Variants in ZNF280D observed in about 807,000 individuals in gnomAD.
ZNF280D encodes the protein suppressor of hairy wing homolog 4.
In ZNF280D, 39 loss-of-function variants were observed where a neutral mutation model predicts 94.7. The ratio of observed to expected loss-of-function variants is 0.41; its 90% CI spans 0.32 to 0.54. The LOEUF is 0.54. ZNF280D is among the 20% of genes least tolerant of loss of function. ZNF280D has a pLI of 0.22. For missense variants in ZNF280D, 1,090 were observed against 1,149.3 expected (o/e 0.95, Z 0.75); for synonymous variants, 398 against 377.6 (o/e 1.05, Z -0.63).
At chr15:56,721,003 A>G (rs1437469359) in intron 1 of ZNF280D, among the ~76,000 whole-genome samples, 1 of 144,216 alleles carries the variant, frequency 6.9e-6, no homozygotes, top group African/African-American at 2.6e-5. Flanking sequence ...CGCTCCATTG[A>G]CCAGCCTTGA....
chr15:56,725,140 G>A lies in ZNF280D; in HGVS notation c.-86+8318C>T. 6 of 250,264 alleles carry A rather than the reference G, an allele frequency of 2.4e-5. No homozygotes were observed. In the South Asian group the frequency reaches 2.9e-4, roughly 12 times the overall value. 15.5% of individuals were successfully genotyped at this position (250,264 alleles called of 1,614,324 possible). A position where few individuals can be genotyped will look rare whatever the true frequency, so the allele number is the denominator to read the frequency against. ...AACCCACAAAATAAGGAACGCACAGGAGTGAAGCCTAGAAGCAAAGGGCAA... is the reference window on the plus strand; with the variant it reads ...AACCCACAAAATAAGGAACGCACAGAAGTGAAGCCTAGAAGCAAAGGGCAA... On this transcript the variant is annotated intron_variant, in intron 1 of 21. Coordinates refer to ENST00000267807, the MANE Select transcript of ZNF280D (RefSeq NM_017661.4).
chr15:56,655,590 T>C (rs368971204), intron 17 of ZNF280D, among the ~76,000 whole-genome samples: 1 of 152,362 alleles, frequency 6.6e-6, no homozygotes, highest in African/African-American at 2.4e-5. Context: ...ATCAATACTT[T>C]ATTTTTGAGT....
chr15:56,724,801 C>A, intron 1 of ZNF280D: 1 of 403,752 alleles, frequency 2.5e-6, no homozygotes, highest in East Asian at 7.3e-5. Context: ...AATGAACAGA[C>A]ACTACAATGT....
intron 15 of ZNF280D, 59 bp from the exon 16 acceptor site, chr15:56,666,594 G>A: frequency 6.6e-7 from 1 of 1,521,380 alleles, no homozygotes; most frequent in Non-Finnish European, 8.8e-7. Flanking sequence ...TAATAAGGAA[G>A]AGCCTTAATA....
intron 7 of ZNF280D, 101 bp downstream of exon 7, chr15:56,692,997 C>A: frequency 1.5e-6 from 1 of 660,866 alleles, no homozygotes; most frequent in Non-Finnish European, 2.6e-6. Context: ...ATATGAAAAA[C>A]TTCACACAAG....
At chr15:56,725,992 A>G (rs957419511) in intron 1 of ZNF280D, among the ~76,000 whole-genome samples, 3 of 152,172 alleles carry the variant, frequency 2.0e-5, no homozygotes, top group Admixed American at 6.5e-5. Context: ...TTTTTGGTGT[A>G]ATCCATTTAA....
chr15:56,704,648 C>T (rs1199301923), intron 3 of ZNF280D, among the ~76,000 whole-genome samples: 2 of 152,094 alleles, frequency 1.3e-5, no homozygotes, highest in South Asian at 2.1e-4. Flanking sequence ...TAATAGGCAA[C>T]AGGTGGGAGA....
chr15:56,666,928 A>G lies in ZNF280D; in HGVS notation c.1604T>C (p.Ile535Thr). The G allele has an allele frequency of 6.2e-7, 1 of 1,613,174 alleles. No homozygotes were observed. The highest frequency in any genetic ancestry group is 1.3e-5 in the African/African-American group (1 of 75,014). Reference protein sequence around the residue: ...LQSGASPTPSISASASTLQLS... With the variant: ...LQSGASPTPSTSASASTLQLS... ...CTGAAGGGTAGAAGCACTTGCACTA[A>G]TGGAAGGTGTAGGTGAAGCTCCTGA... The change falls in exon 15 of 22, where the codon ATT becomes ACT. Residue 535 changes from isoleucine (I) to threonine (T), a missense_variant. By Grantham distance (89) the Ile-to-Thr change is moderately conservative. Transcript: ENST00000267807.
intron 14 of ZNF280D, 32 bp downstream of exon 14, chr15:56,668,791 A>AAAATGTT: frequency 6.5e-7 from 1 of 1,531,556 alleles, no homozygotes; most frequent in African/African-American, 1.4e-5. Context: ...ATTATCATAC[A>AAAATGTT]AAATGTTAAA....
intron 13 of ZNF280D, among the ~76,000 whole-genome samples, chr15:56,671,317 T>A (rs1166598494): frequency 6.6e-6 from 1 of 152,150 alleles, no homozygotes; most frequent in Non-Finnish European, 1.5e-5. Flanking sequence ...GGTTTTACAT[T>A]TAAGTCTTTA....
chr15:56,705,127 T>TTA (rs1269188978), intron 3 of ZNF280D, among the ~76,000 whole-genome samples: 1 of 152,224 alleles, frequency 6.6e-6, no homozygotes, highest in African/African-American at 2.4e-5. Flanking sequence ...CACTCTAATG[T>TTA]TATAGTATAG....
chr15:56,659,460 C>A (rs1424790127), intron 16 of ZNF280D, among the ~76,000 whole-genome samples: 3 of 151,862 alleles, frequency 2.0e-5, no homozygotes, highest in African/African-American at 7.3e-5. Context: ...TTAAGAGAGA[C>A]AGACTACGTT....
intron 4 of ZNF280D, among the ~76,000 whole-genome samples, 158 bp downstream of exon 4, chr15:56,703,963 C>T (rs575372582): frequency 1.3e-5 from 2 of 152,282 alleles, no homozygotes; most frequent in East Asian, 1.9e-4. Context: ...TCTTTTCTGA[C>T]ATCTGATATT....
chr15:56,685,618 T>G (rs1596492998), intron 9 of ZNF280D, among the ~76,000 whole-genome samples: 1 of 152,024 alleles, frequency 6.6e-6, no homozygotes, highest in Non-Finnish European at 1.5e-5. Flanking sequence ...GAAAGATGGG[T>G]GGGTTAAAAA....
At position 56,632,076 on chromosome 15, in the gene ZNF280D, C is replaced by T; in HGVS notation, c.2362G>A (p.Ala788Thr). The T allele has an allele frequency of 6.3e-7, 1 of 1,595,234 alleles. No homozygotes were observed. The highest frequency in any genetic ancestry group is 8.5e-7 in the Non-Finnish European group (1 of 1,171,964). Residue 788 changes from alanine to threonine, a missense_variant, in exon 22 of 22, where the codon GCA (alanine) becomes ACA (threonine). This residue lies in a region of ZNF280D where 577 missense variants were observed against 568.8 expected (regional missense o/e 1.01). Transcript: ENST00000267807. ...GTTGATGAGCCTTCAAATGAATTTGCATTACATCCATTTTTTTCTTTTGAA... is the reference window on the plus strand; with the variant it reads ...GTTGATGAGCCTTCAAATGAATTTGTATTACATCCATTTTTTTCTTTTGAA... ...ASSKEKNGCNANSFEGSSTTK... is the reference protein window; with the variant it reads ...ASSKEKNGCNTNSFEGSSTTK...
chr15:56,733,437 CG>C lies in ZNF280D; in HGVS notation c.-86+20del. The C allele has an allele frequency of 9.5e-7, 1 of 1,053,058 alleles. No homozygotes were observed. The highest frequency in any genetic ancestry group is 1.2e-6 in the Non-Finnish European group (1 of 867,858). The allele number at this position is 1,053,058 out of a possible 1,614,324, so 65.2% of individuals were successfully genotyped here. On this transcript the variant is annotated intron_variant, in intron 1 of 21. Coordinates refer to ENST00000267807, the MANE Select transcript of ZNF280D (RefSeq NM_017661.4). Reference sequence around the variant, plus strand: ...TCTGCCTGCTGCAGCGCAGGGCGGGCGGGGGCGGGGGGGCGCTTACCGTGAG... The same window carrying C: ...TCTGCCTGCTGCAGCGCAGGGCGGGCGGGGCGGGGGGGCGCTTACCGTGAG...
Position 56,647,051 on chromosome 15 carries a change from C to T in ZNF280D, c.2214-4054G>A, listed in dbSNP as rs144540844. The stretch of plus-strand genomic sequence containing the variant: ...AACTGAAAACATACAAGAGCCTCTT[C>T]AGGGAAGGTCTTGATTGCCATGCTA... On this transcript the variant is annotated intron_variant, in intron 19 of 21. Transcript: ENST00000267807. Among the ~76,000 whole-genome samples the T allele has an allele frequency of 2.0e-3, 299 of 152,290 alleles. 1 individual carries two copies. The highest frequency in any genetic ancestry group is 6.9e-3 in the African/African-American group (286 of 41,568).
chr15:56,727,587 C>A (rs4774891), intron 1 of ZNF280D, among the ~76,000 whole-genome samples: 1 of 152,198 alleles, frequency 6.6e-6, no homozygotes, highest in South Asian at 2.1e-4. Flanking sequence ...AATCCTCATG[C>A]GTAAGTGGCA....
chr15:56,723,191 C>T (rs546537998), intron 1 of ZNF280D, among the ~76,000 whole-genome samples: 4 of 151,610 alleles, frequency 2.6e-5, no homozygotes, highest in Non-Finnish European at 5.9e-5. Context: ...AACTAACCTG[C>T]ACAATGTGCA....
Sources: allele counts gnomAD v4.1 joint callset (sites outside exome capture counted in the v4.1 genomes callset), GRCh38; gene constraint gnomAD v4.1.1; regional missense constraint gnomAD v4.1.1; transcripts MANE v1.5; gene names NCBI Gene and HGNC (gene_info 2026-07-23, HGNC 2026-07-21).